LYPD6B: variants seen among roughly 807,000 people sequenced by gnomAD.
LYPD6B encodes the protein LY6/PLAUR domain containing 6B, also known as ly6/PLAUR domain-containing protein 6B.
LYPD6B carries 17 observed loss-of-function variants against 22.8 expected under a neutral mutation model. That is an observed-to-expected ratio of 0.75 (90% CI 0.51 to 1.12). The LOEUF is 1.12. LYPD6B is among the 50% of genes most tolerant of loss of function. The probability of loss-of-function intolerance (pLI) is 0.00; values close to 1 mark genes in which losing one functional copy is unlikely to be tolerated. For synonymous variants in LYPD6B, 106 were observed against 91.6 expected (o/e 1.16, Z -0.90); for missense variants, 221 against 258.3 (o/e 0.86, Z 0.99).
At chr2:149,089,713 G>C (rs776139295) in intron 1 of LYPD6B, among the ~76,000 whole-genome samples, 3 of 152,062 alleles carry the variant, frequency 2.0e-5, no homozygotes, top group Non-Finnish European at 2.9e-5. Flanking sequence ...ACAATTCCTG[G>C]TTTTCTGTGT....
At chr2:149,085,982 G>T (rs980877696) in intron 1 of LYPD6B, among the ~76,000 whole-genome samples, 1 of 152,126 alleles carries the variant, frequency 6.6e-6, no homozygotes, top group African/African-American at 2.4e-5. Context: ...ATTACTAAAG[G>T]CAACAGGAGA....
At chr2:149,141,718 G>A (rs1395330450) in intron 2 of LYPD6B, among the ~76,000 whole-genome samples, 1 of 151,926 alleles carries the variant, frequency 6.6e-6, no homozygotes, top group Non-Finnish European at 1.5e-5. Flanking sequence ...AATTTCCCAG[G>A]GCAACTATAA....
intron 1 of LYPD6B, among the ~76,000 whole-genome samples, chr2:149,067,545 ATAATTTTT>A (rs1684393184): frequency 6.8e-6 from 1 of 147,628 alleles, no homozygotes; most frequent in Admixed American, 6.9e-5. Flanking sequence ...TTTTCTGTGT[ATAATTTTT>A]TAAAACTTTG....
intron 1 of LYPD6B, among the ~76,000 whole-genome samples, chr2:149,130,548 T>C (rs1687963677): frequency 6.6e-6 from 1 of 152,190 alleles, no homozygotes; most frequent in South Asian, 2.1e-4. Flanking sequence ...GTATTAGGCC[T>C]TGTCCCACTA....
At chr2:149,156,628 G>A (rs1328042738) in intron 2 of LYPD6B, among the ~76,000 whole-genome samples, 3 of 151,988 alleles carry the variant, frequency 2.0e-5, no homozygotes, top group African/African-American at 7.3e-5. Context: ...TACGTGTCCC[G>A]ATTTCTTCTT....
intron 1 of LYPD6B, among the ~76,000 whole-genome samples, chr2:149,052,974 C>G (rs888437577): frequency 6.6e-6 from 1 of 152,178 alleles, no homozygotes; most frequent in African/African-American, 2.4e-5. Context: ...CCACCCCATA[C>G]AGTAGCCACT....
intron 1 of LYPD6B, among the ~76,000 whole-genome samples, chr2:149,094,617 C>T (rs1417586938): frequency 6.6e-6 from 1 of 152,168 alleles, no homozygotes; most frequent in Non-Finnish European, 1.5e-5. Flanking sequence ...AGCTCTTAGA[C>T]AGATTCTTCT....
chr2:149,085,950 A>T (rs530321608), intron 1 of LYPD6B, among the ~76,000 whole-genome samples: 48 of 152,290 alleles, frequency 3.2e-4, no homozygotes, highest in African/African-American at 8.9e-4. Context: ...CTGCAAGAAG[A>T]AGTTAGGCTA....
intron 1 of LYPD6B, among the ~76,000 whole-genome samples, chr2:149,054,350 T>A (rs2377516): frequency 0.97 from 148,454 of 152,298 alleles, 72,472 homozygotes; most frequent in East Asian, 1. Context: ...ATAACTAATG[T>A]TGTTGGGAAT....
intron 3 of LYPD6B, among the ~76,000 whole-genome samples, chr2:149,183,682 C>T (rs1029276716): frequency 1.3e-5 from 2 of 152,116 alleles, no homozygotes; most frequent in African/African-American, 2.4e-5. Context: ...GCAGTTTGTA[C>T]GTGGACTGCC....
rs546910863 is a variant in LYPD6B, at chr2:149,069,417, G to A, written c.-67+30616G>A. Reference sequence around the variant, plus strand: ...CGGTGGAATTGTTTATGAATGTTTCGTAATGGAAAACTGTTTCTGTGATAA... The same window carrying A: ...CGGTGGAATTGTTTATGAATGTTTCATAATGGAAAACTGTTTCTGTGATAA... On this transcript the variant is annotated intron_variant, in intron 1 of 6. Coordinates refer to ENST00000409642, the MANE Select transcript of LYPD6B (RefSeq NM_177964.5). Among the ~76,000 whole-genome samples the A allele has an allele frequency of 8.5e-5, 13 of 152,178 alleles. No individual in the cohort carries two copies. In the East Asian group the frequency reaches 1.7e-3, roughly 20 times the overall value.
chr2:149,089,722 G>A (rs1185343278), intron 1 of LYPD6B, among the ~76,000 whole-genome samples: 2 of 152,142 alleles, frequency 1.3e-5, no homozygotes, highest in African/African-American at 4.8e-5. Context: ...GGTTTTCTGT[G>A]TACTGGTTGG....
intron 1 of LYPD6B, among the ~76,000 whole-genome samples, chr2:149,115,681 A>G (rs1686966400): frequency 1.3e-5 from 2 of 152,206 alleles, no homozygotes; most frequent in Non-Finnish European, 2.9e-5. Flanking sequence ...AAGATAACAC[A>G]TGGAAGATAT....
intron 3 of LYPD6B, among the ~76,000 whole-genome samples, chr2:149,168,493 T>C (rs1447832829): frequency 6.6e-6 from 1 of 152,156 alleles, no homozygotes; most frequent in African/African-American, 2.4e-5. Flanking sequence ...CTTTCTAGAA[T>C]GGAGATGAAA....
At chr2:149,122,186 G>A (rs543500932) in intron 1 of LYPD6B, among the ~76,000 whole-genome samples, 1 of 152,202 alleles carries the variant, frequency 6.6e-6, no homozygotes, top group African/African-American at 2.4e-5. Context: ...CACAGTGGGA[G>A]AGCTGGGAGC....
intron 1 of LYPD6B, among the ~76,000 whole-genome samples, chr2:149,109,781 G>A (rs1559002584): frequency 6.6e-6 from 1 of 151,938 alleles, no homozygotes; most frequent in Non-Finnish European, 1.5e-5. Context: ...TCATGATCTC[G>A]GCTAACTGCA....
chr2:149,211,074 A>T (rs982802265), intron 5 of LYPD6B, among the ~76,000 whole-genome samples: 13 of 152,170 alleles, frequency 8.5e-5, no homozygotes, highest in African/African-American at 2.9e-4. Flanking sequence ...GGCATCTCAC[A>T]TGGTGGTTGC....
At chr2:149,147,906 CTGTGTGTGTGTGTG>C (rs61441741) in intron 2 of LYPD6B, among the ~76,000 whole-genome samples, 1 of 139,018 alleles carries the variant, frequency 7.2e-6, no homozygotes, top group Non-Finnish European at 1.5e-5. Context: ...GCACATGGGC[CTGTGTGTGTGTGTG>C]TGTGTGTGTG....
At chr2:149,140,994 C>CT (rs1175756528) in intron 2 of LYPD6B, among the ~76,000 whole-genome samples, 1 of 152,134 alleles carries the variant, frequency 6.6e-6, no homozygotes, top group African/African-American at 2.4e-5. Flanking sequence ...CTACTGTGTG[C>CT]TATAGGTACT....
Sources: gnomAD v4.1 joint callset for allele counts (sites outside exome capture counted in the v4.1 genomes callset) on GRCh38, gnomAD v4.1.1 for gene constraint, MANE v1.5 for transcripts, NCBI Gene and HGNC (gene_info 2026-07-23, HGNC 2026-07-21) for gene names.